Variants in BMERB1 observed in about 807,000 individuals in gnomAD.
The protein encoded by BMERB1 is bMERB domain-containing protein 1.
BMERB1 carries 12 observed loss-of-function variants against 23.6 expected under a neutral mutation model. The observed-to-expected ratio is 0.51, with a 90% CI of 0.33 to 0.82. The LOEUF is 0.82. BMERB1 is among the 40% of genes least tolerant of loss of function. The probability of loss-of-function intolerance (pLI) is 0.03; values close to 1 mark genes in which losing one functional copy is unlikely to be tolerated. For synonymous variants in BMERB1, 122 were observed against 96.6 expected, an observed-to-expected ratio of 1.26 and a Z score of -1.54; for missense variants, 247 against 255.4, an observed-to-expected ratio of 0.97 and a Z score of 0.22.
chr16:15,531,955 C>G (rs1472023332), intron 2 of BMERB1, among the ~76,000 whole-genome samples: 1 of 152,192 alleles, frequency 6.6e-6, no homozygotes, highest in Non-Finnish European at 1.5e-5. Context: ...CTGCAAGTGA[C>G]TTAGCAGAGC....
chr16:15,547,382 C>T (rs1335640032), intron 2 of BMERB1, among the ~76,000 whole-genome samples: 1 of 151,044 alleles, frequency 6.6e-6, no homozygotes, highest in East Asian at 1.9e-4. Context: ...GCTCTTGTCG[C>T]CCAGGCTGGA....
intron 1 of BMERB1, among the ~76,000 whole-genome samples, chr16:15,511,064 C>G (rs1251141774): frequency 2.0e-5 from 3 of 152,106 alleles, no homozygotes; most frequent in African/African-American, 7.2e-5. Context: ...GTCCTCACTG[C>G]TTCAATCCCA....
chr16:15,571,508 C>G (rs1440661984), intron 3 of BMERB1, among the ~76,000 whole-genome samples: 4 of 152,014 alleles, frequency 2.6e-5, no homozygotes, highest in African/African-American at 9.7e-5. Context: ...GCACCTGCCA[C>G]CACGCCCGGC....
At chr16:15,467,159 T>C (rs974241617) in intron 1 of BMERB1, among the ~76,000 whole-genome samples, 6 of 152,226 alleles carry the variant, frequency 3.9e-5, no homozygotes, top group South Asian at 4.1e-4. Flanking sequence ...AATACTCTTA[T>C]GCAAATTTTT....
At chr16:15,505,560 G>T (rs1429259484) in intron 1 of BMERB1, among the ~76,000 whole-genome samples, 1 of 152,110 alleles carries the variant, frequency 6.6e-6, no homozygotes, top group Non-Finnish European at 1.5e-5. Flanking sequence ...GTCTGTGGAT[G>T]TCATGGGACA....
chr16:15,481,308 C>CGAGGTCAGGG, intron 1 of BMERB1, among the ~76,000 whole-genome samples: 1 of 152,146 alleles, frequency 6.6e-6, no homozygotes, highest in Non-Finnish European at 1.5e-5. Flanking sequence ...GGGTGGATCA[C>CGAGGTCAGGG]GAGGTCAGGG....
chr16:15,534,709 T>G (rs1198928420), intron 2 of BMERB1, among the ~76,000 whole-genome samples: 1 of 152,166 alleles, frequency 6.6e-6, no homozygotes, highest in African/African-American at 2.4e-5. Flanking sequence ...TTCTTGGCCT[T>G]TTCCACACAC....
chr16:15,471,344 CT>C (rs764857433), intron 1 of BMERB1, among the ~76,000 whole-genome samples: 2 of 152,050 alleles, frequency 1.3e-5, no homozygotes, highest in Non-Finnish European at 2.9e-5. Context: ...GAGATTTCTC[CT>C]GGAGATTTCT....
intron 4 of BMERB1, 80 bp downstream of exon 4, chr16:15,581,411 C>G (rs2031012220): frequency 3.4e-6 from 4 of 1,167,858 alleles, no homozygotes; most frequent in Non-Finnish European, 4.9e-6. Flanking sequence ...TCTTCTGCTC[C>G]TGGGACTCAC....
chr16:15,448,928 C>T lies in BMERB1; in HGVS notation c.106+14169C>T, dbSNP rs117925331. Among the ~76,000 whole-genome samples the T allele has an allele frequency of 1.5e-4, 23 of 152,192 alleles. No homozygotes were observed. In the East Asian group the frequency reaches 4.4e-3, roughly 29 times the overall value. ...AGGAATAGGTACCATGAATGGGAAC[C>T]GGCAGCCAAGTGACAGTGTTGTGAT... On this transcript the variant is annotated intron_variant, in intron 1 of 5. Coordinates refer to ENST00000300006, the MANE Select transcript of BMERB1 (RefSeq NM_033201.3).
At chr16:15,572,853 A>G (rs1163859985) in intron 3 of BMERB1, among the ~76,000 whole-genome samples, 2 of 152,088 alleles carry the variant, frequency 1.3e-5, no homozygotes, top group Admixed American at 1.3e-4. Context: ...CCCCCATACT[A>G]TTCTCATGGT....
chr16:15,500,644 G>T (rs573560912), intron 1 of BMERB1, among the ~76,000 whole-genome samples: 1 of 152,276 alleles, frequency 6.6e-6, no homozygotes, highest in Non-Finnish European at 1.5e-5. Flanking sequence ...TCCAAATTGA[G>T]ATCTGTTCTT....
chr16:15,469,798 GTA>G (rs903633144), intron 1 of BMERB1, among the ~76,000 whole-genome samples: 3 of 152,092 alleles, frequency 2.0e-5, no homozygotes, highest in African/African-American at 7.2e-5. Flanking sequence ...TTAATTATTA[GTA>G]TATATAGATG....
chr16:15,474,646 C>A (rs1359166060), intron 1 of BMERB1, among the ~76,000 whole-genome samples: 1 of 152,156 alleles, frequency 6.6e-6, no homozygotes, highest in East Asian at 1.9e-4. Context: ...TCCTAAAGCA[C>A]TGGGATTTCA....
chr16:15,527,993 C>T (rs768450674), intron 2 of BMERB1, among the ~76,000 whole-genome samples: 4 of 152,168 alleles, frequency 2.6e-5, no homozygotes, highest in African/African-American at 9.6e-5. Context: ...CCATGGCCAC[C>T]ACCCAGGTTC....
At chr16:15,481,610 A>T (rs1219177544) in intron 1 of BMERB1, among the ~76,000 whole-genome samples, 1 of 151,870 alleles carries the variant, frequency 6.6e-6, no homozygotes, top group Non-Finnish European at 1.5e-5. Context: ...TGGAAGAGAG[A>T]TGTCAAGGGA....
At chr16:15,489,772 A>G (rs139577224) in intron 1 of BMERB1, among the ~76,000 whole-genome samples, 95 of 152,050 alleles carry the variant, frequency 6.2e-4, no homozygotes, top group East Asian at 9.7e-4. Flanking sequence ...AACTTTTTCT[A>G]TCTTCCCCCA....
At chr16:15,477,167 T>C (rs1164377544) in intron 1 of BMERB1, among the ~76,000 whole-genome samples, 1 of 152,104 alleles carries the variant, frequency 6.6e-6, no homozygotes, top group Non-Finnish European at 1.5e-5. Flanking sequence ...CCCTTCCACA[T>C]GTCTGGGGAG....
At chr16:15,470,245 T>C (rs2051217298) in intron 1 of BMERB1, among the ~76,000 whole-genome samples, 1 of 152,222 alleles carries the variant, frequency 6.6e-6, no homozygotes, top group African/African-American at 2.4e-5. Flanking sequence ...GTATGATTTT[T>C]TATTTTTACC....
Sources: gnomAD v4.1 joint callset for allele counts (sites outside exome capture counted in the v4.1 genomes callset) on GRCh38, gnomAD v4.1.1 for gene constraint, MANE v1.5 for transcripts, NCBI Gene and HGNC (gene_info 2026-07-23, HGNC 2026-07-21) for gene names.